The following SLC25A19 variants were observed in gnomAD, a reference collection of about 807,000 sequenced individuals.
SLC25A19 encodes solute carrier family 25 member 19.
SLC25A19 carries 18 observed loss-of-function variants against 27.9 expected under a neutral mutation model. The observed-to-expected ratio is 0.64, with a 90% CI of 0.45 to 0.96. The LOEUF is 0.96. SLC25A19 is among the 40% of genes least tolerant of loss of function. The pLI is 0.00. For missense variants in SLC25A19, 371 were observed against 418.3 expected (o/e 0.89, Z 0.99); for synonymous variants, 169 against 167.1 (o/e 1.01, Z -0.09).
chr17:75,277,956 G>A (rs1213574709), intron 6 of SLC25A19, among the ~76,000 whole-genome samples, 196 bp downstream of exon 6: 1 of 152,222 alleles, frequency 6.6e-6, no homozygotes, highest in Non-Finnish European at 1.5e-5. Flanking sequence ...TGCCAGTGAT[G>A]GGTGTGGCAG....
rs1190349500 is a variant in SLC25A19 at position 75,286,741 on chromosome 17, T to C, written c.24A>G (p.Pro8=). MVGYDPK[P]DGRNNTKFQV... ...GGAACTTGGTGTTATTCCTGCCATC[T>C]GGTTTGGGGTCATAGCCAACCATCC... The change falls in exon 3 of 8, where the codon CCA becomes CCG. Residue 8 remains proline (P), a synonymous_variant. Transcript: ENST00000416858. The C allele has an allele frequency of 6.2e-7, 1 of 1,614,072 alleles. No individual in the cohort carries two copies. The highest frequency in any genetic ancestry group is 1.3e-5 in the African/African-American group (1 of 74,916).
chr17:75,280,403 C>T (rs2078009768), intron 5 of SLC25A19, among the ~76,000 whole-genome samples: 1 of 152,078 alleles, frequency 6.6e-6, no homozygotes, highest in South Asian at 2.1e-4. Flanking sequence ...GGCATGGTGA[C>T]TCATGCCTGT....
In SLC25A19 at chr17:75,273,475, C is replaced by G. The variant is rs1567831480; in HGVS notation, c.939G>C (p.Met313Ile). 6.2e-7 allele frequency: 1 copy of G among 1,614,102 alleles called. No homozygotes were observed. The highest frequency in any genetic ancestry group is 8.5e-7 in the Non-Finnish European group (1 of 1,180,042). Residue 313 changes from methionine to isoleucine, a missense_variant, in exon 8 of 8, where the codon ATG (methionine) becomes ATC (isoleucine). Physicochemically the swap from Met to Ile is conservative, Grantham distance 10. Transcript: ENST00000416858. ...YEFFCNVFHC[M>I]NRTASQR ...CTCAGCGCTGGCTGGCTGTCCTGTTCATGCAGTGGAAGACATTACAGAAGA... is the reference window on the plus strand; with the variant it reads ...CTCAGCGCTGGCTGGCTGTCCTGTTGATGCAGTGGAAGACATTACAGAAGA...
At position 75,283,426 on chromosome 17, in the gene SLC25A19, G is replaced by A. The variant is rs2078099035; in HGVS notation, c.456C>T (p.Pro152=). Residue 152 remains proline, a synonymous_variant, in exon 5 of 8, where the codon CCC becomes CCT. Coordinates refer to ENST00000416858, the MANE Select transcript of SLC25A19 (RefSeq NM_001126121.2). The part of the protein sequence containing the change: ...LRTRFAAQGE[P]KVYNTLRHAV... ...GGTCTGGCTCCTGGCCACTCACCTT[G>A]GGCTCACCCTGAGCTGCAAAGCGGG... The A allele has an allele frequency of 6.2e-7, 1 of 1,611,822 alleles. No homozygotes were observed. The highest frequency in any genetic ancestry group is 8.5e-7 in the Non-Finnish European group (1 of 1,179,720).
At chr17:75,284,534 C>T (rs1227717195) in intron 4 of SLC25A19, among the ~76,000 whole-genome samples, 5 of 151,852 alleles carry the variant, frequency 3.3e-5, no homozygotes, top group African/African-American at 4.8e-5. Flanking sequence ...CAGCTGGCGG[C>T]GGCACCTGGT....
chr17:75,274,089 C>A (rs1312007734), intron 7 of SLC25A19, among the ~76,000 whole-genome samples: 1 of 152,188 alleles, frequency 6.6e-6, no homozygotes, highest in Non-Finnish European at 1.5e-5. Flanking sequence ...TAATTTCATT[C>A]TTTCTACTGT....
chr17:75,286,939 T>C, intron 2 of SLC25A19, 137 bp from the exon 3 acceptor site: 1 of 841,830 alleles, frequency 1.2e-6, no homozygotes, highest in Non-Finnish European at 1.9e-6. Context: ...CAGCGGTTCA[T>C]GCCTGTATCC....
chr17:75,279,855 C>G (rs2077994283), intron 5 of SLC25A19, among the ~76,000 whole-genome samples: 1 of 152,032 alleles, frequency 6.6e-6, no homozygotes. Flanking sequence ...GTTGTTTGGG[C>G]TGGAGTGCAA....
At position 75,273,152 on chromosome 17, in the gene SLC25A19, T is replaced by C; in HGVS notation, c.*299A>G. The C allele has an allele frequency of 2.3e-6, 1 of 435,308 alleles. No homozygotes were observed. Among genetic ancestry groups the C allele is most frequent in the Admixed American group, 3.5e-5 (1 of 28,422 alleles). 27.0% of individuals were successfully genotyped at this position (435,308 alleles called of 1,614,324 possible). A position where few individuals can be genotyped will look rare whatever the true frequency, so the allele number is the denominator to read the frequency against. Reference sequence around the variant, plus strand: ...TCTCCTGGCAGGCAGGGCTGATAGGTGTAGGATGGCGTCTGTTTCCTTTGG... The same window carrying C: ...TCTCCTGGCAGGCAGGGCTGATAGGCGTAGGATGGCGTCTGTTTCCTTTGG... On this transcript the variant is annotated 3_prime_UTR_variant, in exon 8 of 8. Coordinates refer to ENST00000416858, the MANE Select transcript of SLC25A19 (RefSeq NM_001126121.2).
chr17:75,275,966 G>C (rs1486453308), intron 7 of SLC25A19, among the ~76,000 whole-genome samples: 2 of 147,848 alleles, frequency 1.4e-5, no homozygotes, highest in Non-Finnish European at 3.0e-5. Context: ...GCGAGACTCC[G>C]TCTCAAAAAA....
chr17:75,284,476 A>T (rs2078133656), intron 4 of SLC25A19, among the ~76,000 whole-genome samples: 1 of 152,124 alleles, frequency 6.6e-6, no homozygotes, highest in African/African-American at 2.4e-5. Context: ...TTTTCTGAGA[A>T]CTGGGGAAGA....
chr17:75,273,800 G>A, intron 7 of SLC25A19, 161 bp from the exon 8 acceptor site: 2 of 690,262 alleles, frequency 2.9e-6, no homozygotes, highest in East Asian at 3.0e-5. Context: ...TCACTCTGTT[G>A]CCCAGGCTGG....
chr17:75,277,567 C>T (rs890374882), intron 6 of SLC25A19, 84 bp from the exon 7 acceptor site: 17 of 1,536,770 alleles, frequency 1.1e-5, no homozygotes, highest in African/African-American at 1.4e-5. Flanking sequence ...AGGGCTAATC[C>T]TCCACCACAA....
intron 5 of SLC25A19, among the ~76,000 whole-genome samples, chr17:75,278,955 C>G (rs1004320301): frequency 3.2e-4 from 48 of 151,630 alleles, no homozygotes; most frequent in African/African-American, 1.2e-3. Flanking sequence ...GGCACTCCAA[C>G]CTGGGTGACA....
At chr17:75,286,165 C>T (rs1480120410) in intron 4 of SLC25A19, 139 bp downstream of exon 4, 2 of 1,048,490 alleles carry the variant, frequency 1.9e-6, no homozygotes, top group Non-Finnish European at 2.9e-6. Flanking sequence ...AGGAAGGCTC[C>T]CGGGTGAGGC....
At chr17:75,282,709 G>A (rs1226041858) in intron 5 of SLC25A19, among the ~76,000 whole-genome samples, 1 of 151,504 alleles carries the variant, frequency 6.6e-6, no homozygotes, top group Non-Finnish European at 1.5e-5. Flanking sequence ...AAAATTAGCT[G>A]GGCGTGGTGG....
At chr17:75,274,040 G>A in intron 7 of SLC25A19, 1 of 294,512 alleles carries the variant, frequency 3.4e-6, no homozygotes, top group Non-Finnish European at 6.6e-6. Context: ...GGGATTACAG[G>A]CATGGACAAC....
rs773519509 is a variant in SLC25A19, at chr17:75,286,507, G to A, written c.133-48C>T. 8 of 1,613,322 alleles carry A rather than the reference G, an allele frequency of 5.0e-6. No homozygotes were observed. The East Asian group carries it at 1.6e-4, about 31-fold the overall frequency. On this transcript the variant is annotated intron_variant, in intron 3 of 7. Coordinates refer to ENST00000416858, the MANE Select transcript of SLC25A19 (RefSeq NM_001126121.2). ...TCAGGACAGTGGGGTGGGCTGGAAT[G>A]TGAAGGGGAACTTTCAGAAAAGGCA...
rs1356098959 is a variant in SLC25A19 at position 75,285,454 on chromosome 17, C to T, written c.288+850G>A. Reference sequence around the variant, plus strand: ...AGACTATCCTGTTGCTGTATTTATTCGTCATGCTGCAATATCTGTTTGCAG... The same window carrying T: ...AGACTATCCTGTTGCTGTATTTATTTGTCATGCTGCAATATCTGTTTGCAG... On this transcript the variant is annotated intron_variant, in intron 4 of 7. Transcript: ENST00000416858. Among the ~76,000 whole-genome samples, 6 of 152,212 alleles carry T rather than the reference C, an allele frequency of 3.9e-5. No individual in the cohort carries two copies. In the East Asian group the frequency reaches 5.8e-4, roughly 15 times the overall value.
Sources: gnomAD v4.1 joint callset for allele counts (sites outside exome capture counted in the v4.1 genomes callset) on GRCh38, gnomAD v4.1.1 for gene constraint, MANE v1.5 for transcripts, NCBI Gene and HGNC (gene_info 2026-07-23, HGNC 2026-07-21) for gene names.